The following FRY variants were observed in gnomAD, a reference collection of about 807,000 sequenced individuals.
FRY encodes the protein protein furry homolog.
In FRY, 128 loss-of-function variants were observed where a neutral mutation model predicts 348.4. The observed-to-expected ratio is 0.37, with a 90% CI of 0.32 to 0.43. The LOEUF (loss-of-function observed/expected upper bound fraction) is 0.43. FRY is among the 20% of genes least tolerant of loss of function. The pLI, the probability that FRY is intolerant of heterozygous loss-of-function variation, is 1.00. For synonymous variants in FRY, 1,370 were observed against 1,374.7 expected (o/e 1.00, Z 0.08); for missense variants, 2,736 against 3,695.2 (o/e 0.74, Z 6.73).
Position 32,173,423 on chromosome 13 carries a change from T to C in FRY, c.2208T>C (p.Ser736=). 1 of 1,612,458 alleles carries C rather than the reference T, an allele frequency of 6.2e-7. No individual in the cohort carries two copies. Among genetic ancestry groups the C allele is most frequent in the South Asian group, 1.1e-5 (1 of 91,014 alleles). The change falls in exon 19 of 61, where the codon AGT becomes AGC. Residue 736 remains serine (S), a synonymous_variant. Coordinates refer to ENST00000542859, the MANE Select transcript of FRY (RefSeq NM_023037.3). ...RIQSERGPHC[S]VLHAVEGFAL... ...AGTCGGAACGAGGTCCCCACTGCAG[T>C]GTACTCCACGCTGTAGAAGGTTTTG... is the stretch of plus-strand genomic sequence containing the variant.
At chr13:32,270,169 T>C (rs1436810191) in intron 55 of FRY, among the ~76,000 whole-genome samples, 1 of 152,030 alleles carries the variant, frequency 6.6e-6, no homozygotes, top group Non-Finnish European at 1.5e-5. Flanking sequence ...TGTTAAGGAT[T>C]GAGAGGCAAA....
intron 18 of FRY, 87 bp from the exon 19 acceptor site, chr13:32,173,280 A>G (rs1882195275): frequency 1.0e-6 from 1 of 985,886 alleles, no homozygotes; most frequent in Non-Finnish European, 1.6e-6. Flanking sequence ...ACAAGGTCAA[A>G]TGTGCAAAAA....
chr13:32,137,543 C>T (rs1593655838), intron 11 of FRY, among the ~76,000 whole-genome samples: 1 of 152,372 alleles, frequency 6.6e-6, no homozygotes, highest in Admixed American at 6.5e-5. Flanking sequence ...CAGTCCTAAG[C>T]ATTCACTGTT....
intron 56 of FRY, 49 bp downstream of exon 56, chr13:32,275,040 A>T (rs117846345): frequency 0.013 from 20,111 of 1,513,572 alleles, 479 homozygotes; most frequent in East Asian, 0.085. Flanking sequence ...CGCAACCTAC[A>T]GTGCAGAACT....
chr13:32,169,824 T>C (rs1176487608), intron 17 of FRY, among the ~76,000 whole-genome samples: 4 of 152,214 alleles, frequency 2.6e-5, no homozygotes, highest in African/African-American at 9.7e-5. Flanking sequence ...TAAAGCAGTA[T>C]GTTAGCAGTA....
At chr13:32,138,461 C>A (rs1351483651) in intron 11 of FRY, among the ~76,000 whole-genome samples, 3 of 152,028 alleles carry the variant, frequency 2.0e-5, no homozygotes, top group Non-Finnish European at 4.4e-5. Flanking sequence ...TGAAACATAG[C>A]AGATCATCTT....
chr13:32,275,313 G>A (rs147922227), intron 56 of FRY, among the ~76,000 whole-genome samples: 347 of 151,326 alleles, frequency 2.3e-3, no homozygotes, highest in African/African-American at 7.7e-3. Context: ...GCATGACCCC[G>A]GGGGGCAGAG....
At chr13:32,171,304 CTTTTTTTT>C (rs71071026) in intron 18 of FRY, 34 bp downstream of exon 18, 202 of 531,360 alleles carry the variant, frequency 3.8e-4, no homozygotes, top group East Asian at 6.7e-4. Context: ...AATTTATATT[CTTTTTTTT>C]TTTTTTTTTT....
chr13:32,108,963 G>A (rs387139), intron 3 of FRY, among the ~76,000 whole-genome samples: 85,898 of 151,854 alleles, frequency 0.57, 24,515 homozygotes, highest in Middle Eastern at 0.6. Flanking sequence ...GGATGGGGCT[G>A]TATGCATACC....
intron 2 of FRY, among the ~76,000 whole-genome samples, chr13:32,082,234 A>AC (rs200774441): frequency 0.014 from 2,109 of 151,712 alleles, 49 homozygotes; most frequent in African/African-American, 0.048. Flanking sequence ...AAAAAAAAAA[A>AC]AAAACAGGAA....
At chr13:32,275,208 A>C (rs183269) in intron 56 of FRY, 173,903 of 342,940 alleles carry the variant, frequency 0.51, 48,239 homozygotes, top group Middle Eastern at 0.6. Context: ...GAAACCCCGT[A>C]TCTATTAAAA....
At chr13:32,098,942 G>A (rs1876962969) in intron 2 of FRY, among the ~76,000 whole-genome samples, 2 of 151,968 alleles carry the variant, frequency 1.3e-5, no homozygotes. Context: ...TGATTTGTAA[G>A]GCTCTTGGTG....
chr13:32,228,567 C>T lies in FRY; in HGVS notation c.5318C>T (p.Pro1773Leu), dbSNP rs754368874. 3.1e-6 allele frequency: 5 copies of T among 1,613,940 alleles called. No homozygotes were observed. Among genetic ancestry groups the T allele is most frequent in the Non-Finnish European group, 4.2e-6 (5 of 1,179,862 alleles). Reference sequence around the variant, plus strand: ...CTGGGAGGCAGCAGTGGAAACCTCCCACAGATGACCCAGGAGGTAGAAGAT... The same window carrying T: ...CTGGGAGGCAGCAGTGGAAACCTCCTACAGATGACCCAGGAGGTAGAAGAT... The part of the protein sequence containing the change: ...ISLGGSSGNL[P>L]QMTQEVEDVD... The change falls in exon 40 of 61, where the codon CCA (proline) becomes CTA (leucine). Residue 1773 changes from proline to leucine, a missense_variant. Pro to Leu is a moderately conservative substitution (Grantham distance 98). This residue lies in a region of FRY where 794 missense variants were observed against 977.0 expected (regional missense o/e 0.81). Coordinates refer to ENST00000542859, the MANE Select transcript of FRY (RefSeq NM_023037.3).
intron 35 of FRY, among the ~76,000 whole-genome samples, chr13:32,213,120 A>G (rs116139725): frequency 0.013 from 1,970 of 152,330 alleles, 42 homozygotes; most frequent in African/African-American, 0.045. Context: ...AGAAATTAGT[A>G]AAAAGGATGA....
At position 32,244,112 on chromosome 13, in the gene FRY, T is replaced by C; in HGVS notation, c.6758T>C (p.Met2253Thr). Residue 2253 changes from methionine (M) to threonine (T), a missense_variant, in exon 47 of 61, where the codon ATG (methionine) becomes ACG (threonine). Physicochemically the swap from Met to Thr is moderately conservative, Grantham distance 81. Coordinates refer to ENST00000542859, the MANE Select transcript of FRY (RefSeq NM_023037.3). ...LQVIYSLLSY[M>T]DLSVVPVKQF... is the part of the protein sequence containing the mutation. Reference sequence around the variant, plus strand: ...GTGATCTACAGTCTTCTCAGCTACATGGACCTTTCTGTCGTTCCTGTCAAA... The same window carrying C: ...GTGATCTACAGTCTTCTCAGCTACACGGACCTTTCTGTCGTTCCTGTCAAA... The C allele has an allele frequency of 6.2e-7, 1 of 1,613,810 alleles. No homozygotes were observed. The highest frequency in any genetic ancestry group is 8.5e-7 in the Non-Finnish European group (1 of 1,179,670).
chr13:32,043,865 A>C (rs567266931), intron 1 of FRY, among the ~76,000 whole-genome samples: 1 of 152,276 alleles, frequency 6.6e-6, no homozygotes, highest in South Asian at 2.1e-4. Context: ...AAATTATAAG[A>C]AATAATATTT....
Position 32,262,379 on chromosome 13 carries a change from G to A in FRY, c.7683G>A (p.Ser2561=), listed in dbSNP as rs761272364. ...AGCTGCTCACCACAGCCTGTGACTC[G>A]ACCCCTGCAGAACCTCATTCCTTTA... ...PMELLTTACD[S]TPAEPHSFNT... is the part of the protein sequence containing the mutation. The change falls in exon 53 of 61, where the codon TCG becomes TCA. Residue 2561 remains serine (S), a synonymous_variant. Transcript: ENST00000542859. The A allele has an allele frequency of 5.6e-6, 9 of 1,613,254 alleles. No homozygotes were observed. The highest frequency in any genetic ancestry group is 2.2e-5 in the South Asian group (2 of 91,066).
At chr13:32,235,327 C>G (rs2138447301) in intron 42 of FRY, among the ~76,000 whole-genome samples, 1 of 152,308 alleles carries the variant, frequency 6.6e-6, no homozygotes, top group East Asian at 1.9e-4. Flanking sequence ...TCCTTCTTTC[C>G]CTTCAGAAAT....
At chr13:32,272,735 G>T (rs1026722109) in intron 55 of FRY, among the ~76,000 whole-genome samples, 3 of 151,990 alleles carry the variant, frequency 2.0e-5, no homozygotes, top group East Asian at 1.9e-4. Flanking sequence ...GTTTGTTTTG[G>T]TTTTTGTTGG....
Sources: allele counts gnomAD v4.1 joint callset (sites outside exome capture counted in the v4.1 genomes callset), GRCh38; gene constraint gnomAD v4.1.1; regional missense constraint gnomAD v4.1.1; transcripts MANE v1.5; gene names NCBI Gene and HGNC (gene_info 2026-07-23, HGNC 2026-07-21).